The following COPZ2 variants were observed in gnomAD, a reference collection of about 807,000 sequenced individuals.
The protein encoded by COPZ2 is coat protein complex I subunit zeta 2, also known as coatomer subunit zeta-2.
In COPZ2, 30 loss-of-function variants were observed where a neutral mutation model predicts 33.2. The observed-to-expected ratio is 0.90, with a 90% CI of 0.68 to 1.23. The LOEUF (loss-of-function observed/expected upper bound fraction) is 1.23. Among genes scored for constraint, COPZ2 ranks in the 50% most tolerant of loss-of-function variants. The probability of loss-of-function intolerance (pLI) is 0.00; values close to 1 mark genes in which losing one functional copy is unlikely to be tolerated. For synonymous variants in COPZ2, 89 were observed against 102.6 expected (o/e 0.87, Z 0.80); for missense variants, 263 against 262.4 (o/e 1.00, Z -0.02).
chr17:48,034,265 C>T lies in COPZ2; in HGVS notation c.187-321G>A, dbSNP rs1454754607. Among the ~76,000 whole-genome samples, 11 of 152,142 alleles carry T rather than the reference C, an allele frequency of 7.2e-5. No individual in the cohort carries two copies. The East Asian group carries it at 1.5e-3, about 21-fold the overall frequency. On this transcript the variant is annotated intron_variant, in intron 2 of 8. Transcript: ENST00000621465. The stretch of plus-strand genomic sequence containing the variant: ...CTGGGATTACAGGCATGCGCCACCA[C>T]GCCCAGCTAATTTTGTATTTTTAGT...
At chr17:48,047,195 G>T in the COPZ2 span, 1 of 152,204 alleles carries the variant, frequency 6.6e-6, no homozygotes, top group African/African-American at 2.4e-5. Flanking sequence ...GTTGTACAGG[G>T]ACTAATGACT....
the COPZ2 span, chr17:48,043,519 ATCC>A: frequency 2.0e-6 from 2 of 985,448 alleles, no homozygotes; most frequent in South Asian, 9.4e-5. Flanking sequence ...TACTGGTGGC[ATCC>A]TCTAGAGAAA....
chr17:48,031,154 CTCAAGAAATTTCTATTGGCCGGGGA>C (rs2036888624), intron 6 of COPZ2, among the ~76,000 whole-genome samples: 1 of 152,116 alleles, frequency 6.6e-6, no homozygotes, highest in Admixed American at 6.5e-5. Flanking sequence ...TTTTAAGGAG[CTCAAGAAATTTCTATTGGCCGGGGA>C]TGGTGGCTCA....
intron 5 of COPZ2, 148 bp from the exon 6 acceptor site, chr17:48,032,381 C>G: frequency 1.3e-6 from 1 of 746,372 alleles, no homozygotes; most frequent in African/African-American, 1.7e-5. Context: ...GGGCAGTGAG[C>G]ACAGAGCCCA....
rs1401361271 is a variant in COPZ2 at position 48,028,095 on chromosome 17, C to A, written c.585+377G>T. Reference sequence around the variant, plus strand: ...TTAAGAGCCAAACTCCTATTTGGTACCCTTTCCAGGTTTCGGTAGAGGGCG... The same window carrying A: ...TTAAGAGCCAAACTCCTATTTGGTAACCTTTCCAGGTTTCGGTAGAGGGCG... On this transcript the variant is annotated intron_variant, in intron 8 of 8. Coordinates refer to ENST00000621465, the MANE Select transcript of COPZ2 (RefSeq NM_016429.4). The surrounding 1 kb of genome is among the most constrained non-coding windows in gnomAD (Gnocchi z 4.5). 6.6e-6 allele frequency among the ~76,000 whole-genome samples: 1 copy of A among 152,146 alleles called. No individual in the cohort carries two copies. Among genetic ancestry groups the A allele is most frequent in the African/African-American group, 2.4e-5 (1 of 41,418 alleles).
Position 48,032,677 on chromosome 17 carries a change from C to A in COPZ2, c.416+9G>T. 6.3e-7 allele frequency: 1 copy of A among 1,583,228 alleles called. No homozygotes were observed. Among genetic ancestry groups the A allele is most frequent in the East Asian group, 2.3e-5 (1 of 43,472 alleles). ...GATGGGGCCTCGGAGGGCAGAGAACCTCACTCACCTTAACATGTGGTTCAG... is the reference window on the plus strand; with the variant it reads ...GATGGGGCCTCGGAGGGCAGAGAACATCACTCACCTTAACATGTGGTTCAG... On this transcript the variant is annotated intron_variant, in intron 5 of 8. Coordinates refer to ENST00000621465, the MANE Select transcript of COPZ2 (RefSeq NM_016429.4).
chr17:48,033,417 C>A (rs1455002969), intron 3 of COPZ2, 115 bp from the exon 4 acceptor site: 1 of 696,330 alleles, frequency 1.4e-6, no homozygotes, highest in East Asian at 2.7e-5. Flanking sequence ...TCTGGAGAAC[C>A]CTTGGAAAGA....
intron 2 of COPZ2, among the ~76,000 whole-genome samples, chr17:48,034,456 T>C (rs903272512): frequency 6.6e-6 from 1 of 152,156 alleles, no homozygotes; most frequent in Non-Finnish European, 1.5e-5. Flanking sequence ...TAGAGGGATA[T>C]TGAGGCCTGC....
At chr17:48,029,244 T>C in intron 6 of COPZ2, 68 bp from the exon 7 acceptor site, 1 of 1,436,506 alleles carries the variant, frequency 7.0e-7, no homozygotes, top group Non-Finnish European at 9.6e-7. Flanking sequence ...CCCTTCTCCT[T>C]GCCAAGCCTC....
chr17:48,039,281 G>C (rs72823533), upstream of COPZ2, among the ~76,000 whole-genome samples: 12,767 of 151,920 alleles, frequency 0.084, 741 homozygotes, highest in East Asian at 0.2. Context: ...GACCAGCCTG[G>C]GCAACATGGT....
chr17:48,032,378 G>A (rs913080671), intron 5 of COPZ2, 145 bp from the exon 6 acceptor site: 4 of 751,632 alleles, frequency 5.3e-6, no homozygotes, highest in Non-Finnish European at 9.2e-6. Context: ...GAAGGGCAGT[G>A]AGCACAGAGC....
At chr17:48,043,657 T>C in the COPZ2 span, 2 of 643,384 alleles carry the variant, frequency 3.1e-6, no homozygotes, top group East Asian at 2.8e-4. Context: ...GAGAGAGGAT[T>C]ATTCAAGACA....
chr17:48,048,043 A>C, the COPZ2 span: 3 of 152,468 alleles, frequency 2.0e-5, no homozygotes, highest in African/African-American at 7.2e-5. Context: ...CCAACGCCCA[A>C]GCCCACTAAC....
intron 2 of COPZ2, 95 bp from the exon 3 acceptor site, chr17:48,034,039 G>C (rs560786559): frequency 1.4e-4 from 111 of 819,230 alleles, no homozygotes; most frequent in Non-Finnish European, 2.2e-4. Context: ...CTGGGCAAGC[G>C]GGATCCTGCT....
intron 6 of COPZ2, among the ~76,000 whole-genome samples, chr17:48,031,141 T>C (rs1309467244): frequency 1.3e-5 from 2 of 152,152 alleles, no homozygotes; most frequent in Non-Finnish European, 2.9e-5. Flanking sequence ...GAGGGATGTA[T>C]GTTTTTAAGG....
upstream of COPZ2, among the ~76,000 whole-genome samples, chr17:48,040,418 A>G (rs1234480483): frequency 6.7e-6 from 1 of 148,156 alleles, no homozygotes; most frequent in African/African-American, 2.5e-5. Context: ...TGTTTCTTAC[A>G]AGGCTTGGTG....
Position 48,032,218 on chromosome 17 carries a change from C to T in COPZ2, c.432G>A (p.Lys144=), listed in dbSNP as rs762042045. The part of the protein sequence containing the change: ...LNHMLRKNVE[K]RWLLENMDGA... ...CGTCCATGTTCTCCAGCAACCAGCG[C>T]TTCTCCACGTTCTTCCTGAAGGTGG... Residue 144 remains lysine (K), a synonymous_variant, in exon 6 of 9, where the codon AAG becomes AAA. Coordinates refer to ENST00000621465, the MANE Select transcript of COPZ2 (RefSeq NM_016429.4). 9.9e-5 allele frequency: 159 copies of T among 1,612,956 alleles called. No homozygotes were observed. Among genetic ancestry groups the T allele is most frequent in the Admixed American group, 4.0e-4 (24 of 59,892 alleles).
the COPZ2 span, chr17:48,045,328 G>C: frequency 6.6e-6 from 1 of 152,230 alleles, no homozygotes; most frequent in Admixed American, 6.5e-5. Context: ...CCCTTTTAGG[G>C]AAAAAGCAAT....
chr17:48,035,080 G>T (rs1334611569), intron 2 of COPZ2, among the ~76,000 whole-genome samples: 1 of 152,200 alleles, frequency 6.6e-6, no homozygotes, highest in African/African-American at 2.4e-5. Flanking sequence ...TGCAGACAGG[G>T]TTATAGTGAA....
Sources: allele counts gnomAD v4.1 joint callset (sites outside exome capture counted in the v4.1 genomes callset), GRCh38; gene constraint gnomAD v4.1.1; non-coding constraint Gnocchi (gnomAD v3.1); transcripts MANE v1.5; gene names NCBI Gene and HGNC (gene_info 2026-07-23, HGNC 2026-07-21).